TYW1: variants seen among roughly 807,000 people sequenced by gnomAD.
TYW1 encodes tRNA-yW synthesizing protein 1 homolog.
Under a neutral mutation model 96.2 loss-of-function variants are expected in TYW1, and 46 were observed. The observed-to-expected ratio is 0.48, with a 90% CI of 0.38 to 0.61. The LOEUF (loss-of-function observed/expected upper bound fraction) is 0.61. Ranked by LOEUF, TYW1 falls within the 20% of genes least tolerant of loss-of-function variation. TYW1 has a pLI of 0.00. For synonymous variants in TYW1, 274 were observed against 323.0 expected, an observed-to-expected ratio of 0.85 and a Z score of 1.63; for missense variants, 684 against 909.6, an observed-to-expected ratio of 0.75 and a Z score of 3.19.
At chr7:67,094,964 TG>T (rs913043337) in intron 11 of TYW1, among the ~76,000 whole-genome samples, 5 of 150,978 alleles carry the variant, frequency 3.3e-5, no homozygotes, top group Admixed American at 6.6e-5. Context: ...AGATTGCTGG[TG>T]GGGGGGTACT....
Position 67,009,886 on chromosome 7 carries a change from G to A in TYW1, c.375+202G>A, listed in dbSNP as rs1015728514. 6 of 542,002 alleles carry A rather than the reference G, an allele frequency of 1.1e-5. No homozygotes were observed. In the Admixed American group the frequency reaches 1.2e-4, roughly 11 times the overall value. 33.6% of individuals were successfully genotyped at this position (542,002 alleles called of 1,614,324 possible). ...CTGATTCTCACGTGGTGTGGGGCTT[G>A]TTCTTCAGGCATGTTAAATTCTCCT... On this transcript the variant is annotated intron_variant, in intron 4 of 15. Transcript: ENST00000359626.
chr7:67,016,229 C>T (rs564041705), intron 5 of TYW1, among the ~76,000 whole-genome samples: 8 of 150,748 alleles, frequency 5.3e-5, no homozygotes, highest in African/African-American at 1.5e-4. Context: ...GTGTGAGTGA[C>T]GGTGGAGGTG....
At chr7:67,077,156 C>T (rs919654284) in intron 10 of TYW1, among the ~76,000 whole-genome samples, 1 of 152,178 alleles carries the variant, frequency 6.6e-6, no homozygotes, top group African/African-American at 2.4e-5. Context: ...CTGATGGACA[C>T]TTAGGTTGGT....
chr7:67,197,438 G>T (rs1305721049), intron 15 of TYW1, among the ~76,000 whole-genome samples: 1 of 151,742 alleles, frequency 6.6e-6, no homozygotes, highest in African/African-American at 2.4e-5. Context: ...CGATTCTCCT[G>T]CCTTAGCCGC....
intron 11 of TYW1, among the ~76,000 whole-genome samples, chr7:67,090,291 G>A (rs1012766043): frequency 1.4e-4 from 21 of 152,324 alleles, no homozygotes; most frequent in Admixed American, 7.8e-4. Flanking sequence ...AGGGCAGGTC[G>A]TTGGGAAGAT....
chr7:67,194,313 A>G (rs1380641167), intron 14 of TYW1, among the ~76,000 whole-genome samples: 2 of 151,418 alleles, frequency 1.3e-5, no homozygotes, highest in African/African-American at 4.9e-5. Context: ...AAAGTGCATT[A>G]CAAAATTAAC....
intron 3 of TYW1, among the ~76,000 whole-genome samples, chr7:67,001,405 AT>A (rs1038526240): frequency 1.5e-4 from 22 of 150,960 alleles, no homozygotes; most frequent in Non-Finnish European, 2.5e-4. Context: ...TATTTATTTT[AT>A]TTTATTTATT....
At chr7:67,177,991 A>AG (rs1428302734) in intron 13 of TYW1, among the ~76,000 whole-genome samples, 2 of 122,898 alleles carry the variant, frequency 1.6e-5, no homozygotes, top group East Asian at 4.0e-4. Flanking sequence ...CTGTCTCTAC[A>AG]GAAAAAAAAA....
intron 15 of TYW1, among the ~76,000 whole-genome samples, chr7:67,199,540 G>C (rs1218434972): frequency 6.6e-6 from 1 of 152,124 alleles, no homozygotes. Flanking sequence ...ATGTTTTATT[G>C]ATTGTAAAAT....
chr7:67,086,819 G>A (rs1262635132), intron 11 of TYW1, among the ~76,000 whole-genome samples: 2 of 152,096 alleles, frequency 1.3e-5, no homozygotes, highest in African/African-American at 2.4e-5. Flanking sequence ...ATATCTGGAC[G>A]CCGTGACCCA....
chr7:67,215,046 A>G (rs2949118), intron 15 of TYW1, among the ~76,000 whole-genome samples: 30,743 of 136,462 alleles, frequency 0.23, 3,865 homozygotes, highest in African/African-American at 0.3. Context: ...CTCTGCTTCT[A>G]TTTTCATGAA....
Position 67,196,502 on chromosome 7 carries a change from G to T in TYW1, c.1977+1165G>T, listed in dbSNP as rs192727770. On this transcript the variant is annotated intron_variant, in intron 15 of 15. Transcript: ENST00000359626. ...CGTTGCATTTAGAAGATTATTTCTA[G>T]AAATCAAGTCAAGCCTAGGATCAGA... Among the ~76,000 whole-genome samples, 169 of 152,276 alleles carry T rather than the reference G, an allele frequency of 1.1e-3. 1 individual carries two copies. Among genetic ancestry groups the T allele is most frequent in the African/African-American group, 3.9e-3 (163 of 41,546 alleles).
chr7:67,180,271 A>G (rs1799793303), intron 13 of TYW1, among the ~76,000 whole-genome samples: 1 of 130,100 alleles, frequency 7.7e-6, no homozygotes. Flanking sequence ...TAAATGCTAC[A>G]TTCAGGTAGA....
intron 13 of TYW1, among the ~76,000 whole-genome samples, chr7:67,136,472 T>C (rs1275351456): frequency 6.6e-6 from 1 of 152,118 alleles, no homozygotes; most frequent in Non-Finnish European, 1.5e-5. Context: ...TCTTCTATTA[T>C]AAATTGGCTT....
chr7:67,183,197 G>A lies in TYW1; in HGVS notation c.1770G>A (p.Gln590=), dbSNP rs542363709. 6.2e-7 allele frequency: 1 copy of A among 1,610,620 alleles called. No individual in the cohort carries two copies. The highest frequency in any genetic ancestry group is 1.1e-5 in the South Asian group (1 of 90,138). Residue 590 remains glutamine (Q), a synonymous_variant, in exon 14 of 16, where the codon CAG becomes CAA. Coordinates refer to ENST00000359626, the MANE Select transcript of TYW1 (RefSeq NM_018264.4). ...TGGACGAGCTCCAGGCCTACGCGCA[G>A]CTCGTGTCCCTGGGGAATCCTGACT... ...WNVDELQAYA[Q]LVSLGNPDFI...
At position 67,017,453 on chromosome 7, in the gene TYW1, T is replaced by C. The variant is rs150828898; in HGVS notation, c.571-400T>C. On this transcript the variant is annotated intron_variant, in intron 5 of 15. Coordinates refer to ENST00000359626, the MANE Select transcript of TYW1 (RefSeq NM_018264.4). ...ACGAATCTTGCCAAATTGATTACAT[T>C]TTCATTTTATAACTGAGTAGGCTTA... Among the ~76,000 whole-genome samples the C allele has an allele frequency of 3.4e-3, 517 of 152,314 alleles. 4 individuals carry two copies. Among genetic ancestry groups the C allele is most frequent in the African/African-American group, 0.011 (475 of 41,578 alleles).
intron 8 of TYW1, among the ~76,000 whole-genome samples, chr7:67,051,485 T>G (rs1036615369): frequency 1.3e-5 from 2 of 152,108 alleles, no homozygotes; most frequent in African/African-American, 4.8e-5. Context: ...TTACGTATGC[T>G]CTAAAGCCTA....
chr7:67,055,814 G>T, intron 8 of TYW1, 21 bp from the exon 9 acceptor site: 1 of 1,603,514 alleles, frequency 6.2e-7, no homozygotes, highest in Non-Finnish European at 8.5e-7. Context: ...CCAACTTTGT[G>T]TTCCCTGCTT....
intron 6 of TYW1, among the ~76,000 whole-genome samples, chr7:67,020,293 G>A (rs1057116956): frequency 6.6e-6 from 1 of 152,268 alleles, no homozygotes; most frequent in African/African-American, 2.4e-5. Flanking sequence ...CGAGGCAGGA[G>A]GATCACTTGA....
Sources: gnomAD v4.1 joint callset for allele counts (sites outside exome capture counted in the v4.1 genomes callset) on GRCh38, gnomAD v4.1.1 for gene constraint, MANE v1.5 for transcripts, NCBI Gene and HGNC (gene_info 2026-07-23, HGNC 2026-07-21) for gene names.